Variants in FBXL7 observed in about 807,000 individuals in gnomAD.
The protein encoded by FBXL7 is F-box/LRR-repeat protein 7.
FBXL7 carries 12 observed loss-of-function variants against 38.3 expected under a neutral mutation model. The observed-to-expected ratio is 0.31, with a 90% CI of 0.20 to 0.51. The LOEUF is 0.51. FBXL7 is among the 20% of genes least tolerant of loss of function. FBXL7 has a pLI of 0.98. For synonymous variants in FBXL7, 297 were observed against 300.9 expected (o/e 0.99, Z 0.13); for missense variants, 567 against 676.4 (o/e 0.84, Z 1.79).
intron 2 of FBXL7, 127 bp from the exon 3 acceptor site, chr5:15,927,760 ATCT>A (rs1226809300): frequency 2.3e-6 from 2 of 862,950 alleles, no homozygotes; most frequent in Non-Finnish European, 3.1e-6. Context: ...GGGCGACAAG[ATCT>A]TAAAAAAAAA....
chr5:15,925,623 G>A (rs1010452274), intron 2 of FBXL7, among the ~76,000 whole-genome samples: 1 of 152,200 alleles, frequency 6.6e-6, no homozygotes, highest in Non-Finnish European at 1.5e-5. Context: ...ATATGCAAAA[G>A]CATATAAGCA....
chr5:15,568,686 T>A (rs377668940), intron 1 of FBXL7, among the ~76,000 whole-genome samples: 13 of 152,108 alleles, frequency 8.5e-5, no homozygotes, highest in Middle Eastern at 3.4e-3. Context: ...CTGAATGGTA[T>A]TGCCTAGGTT....
chr5:15,655,928 C>G (rs1741867375), intron 2 of FBXL7, among the ~76,000 whole-genome samples: 1 of 152,214 alleles, frequency 6.6e-6, no homozygotes, highest in African/African-American at 2.4e-5. Context: ...AGTACTTTCC[C>G]TGCCAGAACT....
intron 2 of FBXL7, among the ~76,000 whole-genome samples, chr5:15,731,657 A>G (rs1165487634): frequency 6.6e-6 from 1 of 152,210 alleles, no homozygotes; most frequent in African/African-American, 2.4e-5. Flanking sequence ...GCAGAGTGTA[A>G]GCTTCATGAA....
Position 15,936,811 on chromosome 5 carries a change from C to T in FBXL7, c.1101C>T (p.Gly367=). 1 of 1,613,024 alleles carries T rather than the reference C, an allele frequency of 6.2e-7. No homozygotes were observed. Among genetic ancestry groups the T allele is most frequent in the Non-Finnish European group, 8.5e-7 (1 of 1,179,614 alleles). Residue 367 remains glycine, a synonymous_variant, in exon 4 of 4, where the codon GGC becomes GGT. Transcript: ENST00000504595. This position sits in a 1 kb window ranked among gnomAD's most constrained non-coding sequence, Gnocchi z 6.0. ...ACTGCGGCCGGGTCACCGACGTGGG[C>T]ATCCGCTACGTGGCCAAGTACTGCA... The part of the protein sequence containing the change: ...IAHCGRVTDV[G]IRYVAKYCSK...
chr5:15,799,815 C>G (rs541225615), intron 2 of FBXL7, among the ~76,000 whole-genome samples: 7 of 152,298 alleles, frequency 4.6e-5, no homozygotes, highest in African/African-American at 1.7e-4. Context: ...AAAATGTACT[C>G]TCTTGGGGTT....
intron 1 of FBXL7, among the ~76,000 whole-genome samples, chr5:15,504,455 C>T (rs986690645): frequency 1.3e-5 from 2 of 152,172 alleles, no homozygotes; most frequent in African/African-American, 4.8e-5. Flanking sequence ...TCAACCAGTC[C>T]TGAAATCCTT....
chr5:15,726,970 G>A (rs1250418499), intron 2 of FBXL7, among the ~76,000 whole-genome samples: 1 of 151,330 alleles, frequency 6.6e-6, no homozygotes, highest in Non-Finnish European at 1.5e-5. Flanking sequence ...TTTACTTTCT[G>A]TCATATCCTT....
intron 2 of FBXL7, among the ~76,000 whole-genome samples, chr5:15,842,648 A>T (rs1229655053): frequency 1.3e-5 from 2 of 152,176 alleles, no homozygotes; most frequent in Non-Finnish European, 2.9e-5. Context: ...GGGTGGGGCC[A>T]GGTGGAGATA....
At chr5:15,783,769 G>A (rs943216526) in intron 2 of FBXL7, among the ~76,000 whole-genome samples, 1 of 152,154 alleles carries the variant, frequency 6.6e-6, no homozygotes, top group African/African-American at 2.4e-5. Flanking sequence ...AGTAAGGATG[G>A]GTGCTGGATT....
intron 3 of FBXL7, among the ~76,000 whole-genome samples, chr5:15,933,751 T>C (rs1742102077): frequency 6.6e-6 from 1 of 152,134 alleles, no homozygotes; most frequent in Non-Finnish European, 1.5e-5. Context: ...CTGGGCAGCC[T>C]ACCAGGAGGT....
At chr5:15,569,429 C>T (rs1354982361) in intron 1 of FBXL7, among the ~76,000 whole-genome samples, 21 of 151,450 alleles carry the variant, frequency 1.4e-4, no homozygotes, top group African/African-American at 4.6e-4. Flanking sequence ...GTGATTTTTG[C>T]ACATTGATTT....
chr5:15,741,924 G>T (rs755407865), intron 2 of FBXL7, among the ~76,000 whole-genome samples: 6 of 152,096 alleles, frequency 3.9e-5, no homozygotes, highest in Non-Finnish European at 8.8e-5. Context: ...CATGTCCCTG[G>T]CCTCGGGTGG....
chr5:15,568,338 T>C (rs1018406278), intron 1 of FBXL7, among the ~76,000 whole-genome samples: 3 of 152,238 alleles, frequency 2.0e-5, no homozygotes, highest in Admixed American at 1.3e-4. Flanking sequence ...TGCATTTCTC[T>C]GGCCAGTGAT....
chr5:15,554,605 C>T (rs901353537), intron 1 of FBXL7, among the ~76,000 whole-genome samples: 10 of 152,204 alleles, frequency 6.6e-5, no homozygotes, highest in African/African-American at 2.2e-4. Context: ...AATAAAGTGT[C>T]AGCCTTGCCT....
chr5:15,872,291 G>A lies in FBXL7; in HGVS notation c.128-55599G>A, dbSNP rs191979166. On this transcript the variant is annotated intron_variant, in intron 2 of 3. Transcript: ENST00000504595. The stretch of plus-strand genomic sequence containing the variant: ...GAGCAGGAAGCACTAAATACAGAAA[G>A]GAAAAACTGGTACCAGCCATTGCAA... 1.6e-4 allele frequency among the ~76,000 whole-genome samples: 25 copies of A among 152,158 alleles called. No homozygotes were observed. The East Asian group carries it at 4.8e-3, about 29-fold the overall frequency.
At chr5:15,679,558 G>GTTTTTTTTTTT (rs34375125) in intron 2 of FBXL7, among the ~76,000 whole-genome samples, 1 of 125,128 alleles carries the variant, frequency 8.0e-6, no homozygotes, top group Non-Finnish European at 1.7e-5. Flanking sequence ...ATGCTTCATT[G>GTTTTTTTTTTT]TTTTTTTTTT....
At chr5:15,861,089 G>T (rs1402181723) in intron 2 of FBXL7, among the ~76,000 whole-genome samples, 2 of 152,128 alleles carry the variant, frequency 1.3e-5, no homozygotes, top group African/African-American at 4.8e-5. Flanking sequence ...ATGTTTTGTG[G>T]CTTAATTGGC....
intron 2 of FBXL7, among the ~76,000 whole-genome samples, chr5:15,887,094 T>TA (rs1477396192): frequency 5.3e-5 from 8 of 152,094 alleles, no homozygotes; most frequent in East Asian, 1.9e-4. Flanking sequence ...CCCATAATTT[T>TA]AAAAAAATCG....
Sources: allele counts gnomAD v4.1 joint callset (sites outside exome capture counted in the v4.1 genomes callset), GRCh38; gene constraint gnomAD v4.1.1; non-coding constraint Gnocchi (gnomAD v3.1); transcripts MANE v1.5; gene names NCBI Gene and HGNC (gene_info 2026-07-23, HGNC 2026-07-21).